DLC1: variants seen among roughly 807,000 people sequenced by gnomAD.
DLC1 encodes the protein rho GTPase-activating protein 7.
A neutral mutation model predicts 140.3 loss-of-function variants in DLC1; 54 were observed. That is an observed-to-expected ratio of 0.38 (90% CI 0.31 to 0.48). The LOEUF is 0.48. Ranked by LOEUF, DLC1 falls within the 20% of genes least tolerant of loss-of-function variation. The pLI, the probability that DLC1 is intolerant of heterozygous loss-of-function variation, is 0.96. For synonymous variants in DLC1, 986 were observed against 728.1 expected (o/e 1.35, Z -5.70); for missense variants, 2,536 against 1,907.0 (o/e 1.33, Z -6.14).
intron 5 of DLC1, among the ~76,000 whole-genome samples, chr8:13,268,399 C>T (rs1311076982): frequency 6.6e-6 from 1 of 152,072 alleles, no homozygotes; most frequent in African/African-American, 2.4e-5. Flanking sequence ...ACTGCAAGCT[C>T]CGCCTCCCAG....
intron 2 of DLC1, among the ~76,000 whole-genome samples, chr8:13,489,448 C>A (rs968251381): frequency 2.0e-4 from 29 of 147,902 alleles, no homozygotes; most frequent in African/African-American, 7.2e-4. Flanking sequence ...CACACACACA[C>A]AAAATGTTGC....
At chr8:13,413,562 G>A in intron 2 of DLC1, among the ~76,000 whole-genome samples, 1 of 151,890 alleles carries the variant, frequency 6.6e-6, no homozygotes, top group African/African-American at 2.4e-5. Flanking sequence ...ATATGGTTTG[G>A]CTTTGTGCCC....
chr8:13,085,561 T>C lies in DLC1; in HGVS notation c.*250A>G, dbSNP rs766980175. 4 of 333,430 alleles carry C rather than the reference T, an allele frequency of 1.2e-5. No individual in the cohort carries two copies. Among genetic ancestry groups the C allele is most frequent in the Non-Finnish European group, 2.1e-5 (4 of 186,948 alleles). The allele number at this position is 333,430 out of a possible 1,614,324, so 20.7% of individuals were successfully genotyped here. On this transcript the variant is annotated 3_prime_UTR_variant, in exon 18 of 18. Transcript: ENST00000276297. Reference sequence around the variant, plus strand: ...TTTTGCTTCTCAGAAGCAATTTGAATAAGAATACACATAAATTTTTTTTTT... The same window carrying C: ...TTTTGCTTCTCAGAAGCAATTTGAACAAGAATACACATAAATTTTTTTTTT...
At chr8:13,171,851 G>C (rs1319875727) in intron 5 of DLC1, among the ~76,000 whole-genome samples, 1 of 152,136 alleles carries the variant, frequency 6.6e-6, no homozygotes, top group East Asian at 1.9e-4. Context: ...CAATGCCCCA[G>C]GTGAGGGTCA....
At chr8:13,382,986 A>G (rs1450421973) in intron 4 of DLC1, among the ~76,000 whole-genome samples, 1 of 152,242 alleles carries the variant, frequency 6.6e-6, no homozygotes, top group African/African-American at 2.4e-5. Context: ...GAAAGAGATC[A>G]TATGAGCAGA....
At chr8:13,482,860 T>C (rs1304189822) in intron 2 of DLC1, among the ~76,000 whole-genome samples, 2 of 152,214 alleles carry the variant, frequency 1.3e-5, no homozygotes, top group African/African-American at 2.4e-5. Flanking sequence ...AAGGAGAGAA[T>C]GGTGACTAAG....
chr8:13,420,700 C>A (rs936934942), intron 2 of DLC1, among the ~76,000 whole-genome samples: 50 of 152,216 alleles, frequency 3.3e-4, no homozygotes, highest in African/African-American at 1.2e-3. Context: ...ATGATGGCTT[C>A]CAGCTTCATC....
chr8:13,517,572 A>C (rs143334471), upstream of DLC1, among the ~76,000 whole-genome samples: 1 of 152,324 alleles, frequency 6.6e-6, no homozygotes, highest in East Asian at 1.9e-4. Context: ...GTAAAGATAA[A>C]TAGTGAGAAA....
intron 2 of DLC1, among the ~76,000 whole-genome samples, chr8:13,417,413 T>C (rs7387222): frequency 7.1e-6 from 1 of 140,556 alleles, no homozygotes; most frequent in East Asian, 2.2e-4. Flanking sequence ...CCTGTGTCCA[T>C]GTGTTCTCAC....
At position 13,435,462 on chromosome 8, in the gene DLC1, C is replaced by T. The variant is rs557126502; in HGVS notation, c.1024-33843G>A. The stretch of plus-strand genomic sequence containing the variant: ...CCGAGTAGCTGGGATTACAGGCATG[C>T]GCCTCCACACCTGACTAATTTTTGT... On this transcript the variant is annotated intron_variant, in intron 2 of 17. Coordinates refer to ENST00000276297, the MANE Select transcript of DLC1 (RefSeq NM_182643.3). 2.8e-4 allele frequency among the ~76,000 whole-genome samples: 43 copies of T among 152,196 alleles called. No homozygotes were observed. The South Asian group carries it at 5.0e-3, about 18-fold the overall frequency.
chr8:13,426,228 T>C (rs901596464), intron 2 of DLC1, among the ~76,000 whole-genome samples: 151 of 152,230 alleles, frequency 9.9e-4, no homozygotes, highest in African/African-American at 3.4e-3. Context: ...TCTTTTGATA[T>C]AGGGAAATTA....
In DLC1 at chr8:13,098,527, G is replaced by A; in HGVS notation, c.3039C>T (p.Leu1013=). ...HSFQSSHRPS[L]NSVSLQINCQ... is the part of the protein sequence containing the mutation. Reference sequence around the variant, plus strand: ...AGTTAATCTGTAGTGATACAGAGTTGAGGCTTGGCCGATGTGAGCTCTGGA... The same window carrying A: ...AGTTAATCTGTAGTGATACAGAGTTAAGGCTTGGCCGATGTGAGCTCTGGA... Residue 1013 remains leucine (L), a synonymous_variant, in exon 10 of 18, where the codon CTC becomes CTT. Transcript: ENST00000276297. The A allele has an allele frequency of 6.2e-7, 1 of 1,614,258 alleles. No homozygotes were observed. The highest frequency in any genetic ancestry group is 8.5e-7 in the Non-Finnish European group (1 of 1,180,040).
intron 5 of DLC1, among the ~76,000 whole-genome samples, chr8:13,124,582 CT>C (rs778133834): frequency 1.3e-5 from 2 of 152,228 alleles, no homozygotes; most frequent in Non-Finnish European, 2.9e-5. Context: ...TTCTGATACT[CT>C]ATCACAGAGG....
intron 5 of DLC1, among the ~76,000 whole-genome samples, chr8:13,142,014 G>A (rs1236202384): frequency 2.6e-5 from 4 of 152,188 alleles, no homozygotes; most frequent in African/African-American, 9.6e-5. Context: ...GTTTCTCCAT[G>A]CTGTTCTCGT....
At position 13,349,822 on chromosome 8, in the gene DLC1, G is replaced by A. The variant is rs545693388; in HGVS notation, c.1314+43731C>T. Among the ~76,000 whole-genome samples the A allele has an allele frequency of 2.0e-4, 31 of 152,280 alleles. 2 individuals are homozygous for A. In the South Asian group the frequency reaches 6.0e-3, roughly 30 times the overall value. On this transcript the variant is annotated intron_variant, in intron 4 of 17. Coordinates refer to ENST00000276297, the MANE Select transcript of DLC1 (RefSeq NM_182643.3). ...TCTAGAAAAGGGGCAAGTATCTTGTGGGGAGACATGAGGAGGAAAAAGAAA... is the reference window on the plus strand; with the variant it reads ...TCTAGAAAAGGGGCAAGTATCTTGTAGGGAGACATGAGGAGGAAAAAGAAA...
At chr8:13,136,644 C>T (rs71522330) in intron 5 of DLC1, among the ~76,000 whole-genome samples, 21,132 of 152,212 alleles carry the variant, frequency 0.14, 1,633 homozygotes, top group Non-Finnish European at 0.17. Flanking sequence ...AAGCGATCCT[C>T]TCACCTTAGC....
At chr8:13,593,389 G>A (rs1308238615) in intron 1 of DLC1, among the ~76,000 whole-genome samples, 1 of 152,116 alleles carries the variant, frequency 6.6e-6, no homozygotes, top group Non-Finnish European at 1.5e-5. Flanking sequence ...TTGCTCCCCA[G>A]AAGCTGAGTG....
intron 2 of DLC1, among the ~76,000 whole-genome samples, chr8:13,413,320 C>T (rs1475576706): frequency 1.7e-5 from 2 of 118,322 alleles, no homozygotes; most frequent in Admixed American, 2.1e-4. Flanking sequence ...TTATGTGTGG[C>T]CCAAGATAAT....
intron 1 of DLC1, among the ~76,000 whole-genome samples, chr8:13,553,230 A>ATATATATATATATATATATATATG (rs1803926792): frequency 7.8e-6 from 1 of 128,132 alleles, no homozygotes; most frequent in African/African-American, 3.0e-5. Context: ...ATATATATGT[A>ATATATATATATATATATATATATG]TATATATATA....
Sources: gnomAD v4.1 joint callset for allele counts (sites outside exome capture counted in the v4.1 genomes callset) on GRCh38, gnomAD v4.1.1 for gene constraint, MANE v1.5 for transcripts, NCBI Gene and HGNC (gene_info 2026-07-23, HGNC 2026-07-21) for gene names.